The following LSAMP variants were observed in gnomAD, a reference collection of about 807,000 sequenced individuals.
LSAMP encodes the protein limbic system-associated membrane protein.
LSAMP carries 7 observed loss-of-function variants against 38.6 expected under a neutral mutation model. That is an observed-to-expected ratio of 0.18 (90% CI 0.10 to 0.34). The LOEUF is 0.34. Among genes scored for constraint, LSAMP ranks in the 10% least tolerant of loss-of-function variants. The pLI is 1.00. For missense variants in LSAMP, 313 were observed against 420.0 expected (o/e 0.75, Z 2.23); for synonymous variants, 154 against 166.8 (o/e 0.92, Z 0.59).
At chr3:116,428,554 C>T (rs1472609941) in intron 1 of LSAMP, among the ~76,000 whole-genome samples, 1 of 152,130 alleles carries the variant, frequency 6.6e-6, no homozygotes, top group Non-Finnish European at 1.5e-5. Context: ...AGAGACTACA[C>T]AGACTCAAAA....
At chr3:116,305,536 C>T (rs1319350113) in intron 1 of LSAMP, among the ~76,000 whole-genome samples, 1 of 150,446 alleles carries the variant, frequency 6.6e-6, no homozygotes, top group Non-Finnish European at 1.5e-5. Context: ...AAAGTATGCG[C>T]CAGCTTGCAC....
At chr3:116,210,313 C>G (rs1274209671) in intron 1 of LSAMP, among the ~76,000 whole-genome samples, 1 of 152,104 alleles carries the variant, frequency 6.6e-6, no homozygotes, top group East Asian at 1.9e-4. Context: ...AGAGGCAGAT[C>G]CATCCTCAGT....
intron 1 of LSAMP, among the ~76,000 whole-genome samples, chr3:116,300,367 A>G (rs943244990): frequency 6.6e-6 from 1 of 152,206 alleles, no homozygotes; most frequent in Non-Finnish European, 1.5e-5. Flanking sequence ...CACACAACTC[A>G]GGAAGAAAGC....
At chr3:116,080,813 T>C (rs887949187) in intron 2 of LSAMP, among the ~76,000 whole-genome samples, 1 of 81,594 alleles carries the variant, frequency 1.2e-5, no homozygotes, top group Non-Finnish European at 2.4e-5. Flanking sequence ...ATCAACAAAA[T>C]TCACACTAAG....
intron 1 of LSAMP, among the ~76,000 whole-genome samples, chr3:116,405,762 G>A (rs142343348): frequency 6.6e-6 from 1 of 152,196 alleles, no homozygotes; most frequent in African/African-American, 2.4e-5. Flanking sequence ...TGCTGATATG[G>A]AATCCACAGA....
intron 2 of LSAMP, among the ~76,000 whole-genome samples, chr3:116,059,508 T>C (rs1170917071): frequency 6.6e-6 from 1 of 152,180 alleles, no homozygotes; most frequent in Non-Finnish European, 1.5e-5. Flanking sequence ...TGAGCTATCT[T>C]CCTTTTTCTG....
rs5851983 is a variant in LSAMP at position 115,900,512 on chromosome 3, CAAAA to C, written c.515-47899_515-47896del. Among the ~76,000 whole-genome samples, 126 of 74,362 alleles carry C rather than the reference CAAAA, an allele frequency of 1.7e-3. 2 individuals are homozygous for C. Among genetic ancestry groups the C allele is most frequent in the African/African-American group, 5.7e-3 (116 of 20,388 alleles). 48.8% of individuals were successfully genotyped at this position (74,362 alleles called of 152,430 possible). A position where few individuals can be genotyped will look rare whatever the true frequency, so the allele number is the denominator to read the frequency against. ...ACCTGGGCAATAGAGTGAGACTGTCCAAAAAAAAAAAAAAAAAAAAAATGCTAAT... is the reference window on the plus strand; with the variant it reads ...ACCTGGGCAATAGAGTGAGACTGTCCAAAAAAAAAAAAAAAAAATGCTAAT... On this transcript the variant is annotated intron_variant, in intron 3 of 6. Coordinates refer to ENST00000490035, the MANE Select transcript of LSAMP (RefSeq NM_002338.5).
chr3:115,944,308 A>C (rs890657908), intron 3 of LSAMP, among the ~76,000 whole-genome samples: 6 of 152,186 alleles, frequency 3.9e-5, no homozygotes, highest in African/African-American at 1.4e-4. Flanking sequence ...ATCTCTTTGG[A>C]TACATGCATT....
intron 1 of LSAMP, among the ~76,000 whole-genome samples, chr3:116,141,834 A>T (rs1246378085): frequency 6.6e-6 from 1 of 151,920 alleles, no homozygotes. Flanking sequence ...ACTTTATCAG[A>T]CTATCATTGG....
intron 6 of LSAMP, among the ~76,000 whole-genome samples, chr3:115,836,149 T>C (rs1168571953): frequency 6.6e-6 from 1 of 152,204 alleles, no homozygotes; most frequent in Non-Finnish European, 1.5e-5. Context: ...TAAACCATCT[T>C]ACCCACCCTC....
chr3:116,174,033 C>T (rs1444903922), intron 1 of LSAMP, among the ~76,000 whole-genome samples: 1 of 152,018 alleles, frequency 6.6e-6, no homozygotes, highest in East Asian at 1.9e-4. Context: ...CAGAAAATGC[C>T]AGATTTGTGC....
At chr3:116,294,595 G>A (rs1271635357) in intron 1 of LSAMP, among the ~76,000 whole-genome samples, 1 of 152,082 alleles carries the variant, frequency 6.6e-6, no homozygotes, top group Non-Finnish European at 1.5e-5. Context: ...CAGCATTATA[G>A]TAATCAGTGT....
intron 1 of LSAMP, among the ~76,000 whole-genome samples, chr3:116,240,938 G>A (rs1294952655): frequency 1.3e-5 from 2 of 152,130 alleles, no homozygotes; most frequent in Non-Finnish European, 2.9e-5. Flanking sequence ...CACTTTGGGA[G>A]ACCAAGGCTG....
chr3:116,439,360 C>T (rs1340436125), intron 1 of LSAMP, among the ~76,000 whole-genome samples: 2 of 150,018 alleles, frequency 1.3e-5, no homozygotes, highest in African/African-American at 4.9e-5. Context: ...TTAAGATGCC[C>T]ACCTGTGGAT....
chr3:115,974,867 A>C (rs552264570), intron 3 of LSAMP, among the ~76,000 whole-genome samples: 2 of 152,208 alleles, frequency 1.3e-5, no homozygotes, highest in South Asian at 4.2e-4. Flanking sequence ...AGGTGTGTCG[A>C]ACCTCTCATC....
intron 1 of LSAMP, among the ~76,000 whole-genome samples, chr3:116,136,582 C>G (rs369436992): frequency 5.9e-5 from 9 of 152,208 alleles, no homozygotes; most frequent in African/African-American, 2.2e-4. Context: ...TCTGCCCTCC[C>G]AGTTTCAAAA....
intron 3 of LSAMP, among the ~76,000 whole-genome samples, chr3:115,910,795 T>C (rs949073793): frequency 2.6e-5 from 4 of 152,236 alleles, no homozygotes; most frequent in African/African-American, 9.6e-5. Context: ...TTATACAGTA[T>C]GCAACTGTTG....
At chr3:116,435,859 A>T (rs2049342784) in intron 1 of LSAMP, among the ~76,000 whole-genome samples, 1 of 152,222 alleles carries the variant, frequency 6.6e-6, no homozygotes, top group Admixed American at 6.5e-5. Flanking sequence ...AAACTTAACC[A>T]GGCAGAAGTT....
chr3:115,882,833 G>A (rs191876570), intron 3 of LSAMP, among the ~76,000 whole-genome samples: 1 of 151,878 alleles, frequency 6.6e-6, no homozygotes, highest in Non-Finnish European at 1.5e-5. Context: ...GTAACAAGCT[G>A]GCTCCAATTC....
Sources: allele counts gnomAD v4.1 joint callset (sites outside exome capture counted in the v4.1 genomes callset), GRCh38; gene constraint gnomAD v4.1.1; transcripts MANE v1.5; gene names NCBI Gene and HGNC (gene_info 2026-07-23, HGNC 2026-07-21).